Variants in SYNDIG1 observed in about 807,000 individuals in gnomAD.
The protein encoded by SYNDIG1 is synapse differentiation-inducing gene protein 1.
A neutral mutation model predicts 19.4 loss-of-function variants in SYNDIG1; 9 were observed. The ratio of observed to expected loss-of-function variants is 0.46; its 90% CI spans 0.28 to 0.81. The LOEUF (loss-of-function observed/expected upper bound fraction) is 0.81. Ranked by LOEUF, SYNDIG1 falls within the 30% of genes least tolerant of loss-of-function variation. The pLI, the probability that SYNDIG1 is intolerant of heterozygous loss-of-function variation, is 0.12. For missense variants in SYNDIG1, 311 were observed against 343.3 expected (o/e 0.91, Z 0.74); for synonymous variants, 141 against 145.9 (o/e 0.97, Z 0.24).
intron 3 of SYNDIG1, among the ~76,000 whole-genome samples, chr20:24,612,035 G>A (rs6049812): frequency 6.6e-5 from 10 of 152,282 alleles, no homozygotes; most frequent in African/African-American, 1.9e-4. Context: ...GCAAGAGCAA[G>A]AAAAATATTG....
intron 2 of SYNDIG1, 122 bp downstream of exon 2, chr20:24,543,699 C>T: frequency 7.3e-7 from 1 of 1,378,114 alleles, no homozygotes; most frequent in Non-Finnish European, 9.8e-7. Context: ...AATGCAGAAA[C>T]CAAAGGCAGT....
chr20:24,620,359 C>G (rs143621632), intron 3 of SYNDIG1, among the ~76,000 whole-genome samples: 2 of 152,164 alleles, frequency 1.3e-5, no homozygotes, highest in Admixed American at 1.3e-4. Context: ...GGTGACCTGA[C>G]AGCTAGGAGG....
At chr20:24,551,917 T>C (rs1027237591) in intron 2 of SYNDIG1, among the ~76,000 whole-genome samples, 3 of 152,228 alleles carry the variant, frequency 2.0e-5, no homozygotes, top group Non-Finnish European at 4.4e-5. Context: ...TTCTGGGGAA[T>C]ATGCCATGTG....
At chr20:24,608,216 C>T (rs984236726) in intron 3 of SYNDIG1, among the ~76,000 whole-genome samples, 8 of 149,112 alleles carry the variant, frequency 5.4e-5, no homozygotes, top group South Asian at 2.1e-4. Flanking sequence ...GAGACAGTCT[C>T]GCTCTGTCAC....
At chr20:24,507,227 C>T in intron 1 of SYNDIG1, among the ~76,000 whole-genome samples, 1 of 152,234 alleles carries the variant, frequency 6.6e-6, no homozygotes, top group Admixed American at 6.5e-5. Flanking sequence ...TGACCTCCCC[C>T]CACAGCCTGC....
At chr20:24,643,176 C>A (rs139730961) in intron 3 of SYNDIG1, among the ~76,000 whole-genome samples, 178 of 152,336 alleles carry the variant, frequency 1.2e-3, no homozygotes, top group Middle Eastern at 6.8e-3. Context: ...CTGCAGCCTT[C>A]TTCCCTTACT....
chr20:24,544,544 G>T (rs2146736539), intron 2 of SYNDIG1, among the ~76,000 whole-genome samples: 1 of 152,308 alleles, frequency 6.6e-6, no homozygotes, highest in Non-Finnish European at 1.5e-5. Context: ...GAAAATTCAG[G>T]ATCGTGGCCA....
rs749898017 is a variant in SYNDIG1, at chr20:24,543,066, C to T, written c.-32C>T. 7.5e-6 allele frequency: 12 copies of T among 1,596,890 alleles called. No individual in the cohort carries two copies. Among genetic ancestry groups the T allele is most frequent in the African/African-American group, 1.3e-5 (1 of 74,794 alleles). ...AAGTGTAACCTACATTCCCAGCCCA[C>T]CAGCCTGACGCCCAGCCAGGGAGAG... On this transcript the variant is annotated 5_prime_UTR_variant, in exon 2 of 4. Transcript: ENST00000376862.
chr20:24,480,024 C>A lies in SYNDIG1; in HGVS notation c.-79+10271C>A, dbSNP rs192760516. On this transcript the variant is annotated intron_variant, in intron 1 of 3. Coordinates refer to ENST00000376862, the MANE Select transcript of SYNDIG1 (RefSeq NM_024893.3). ...ACACGTGCACGCGCGCACGCACACA[C>A]ATTACATAGTCCCACACCTCCCCCA... 2.8e-3 allele frequency among the ~76,000 whole-genome samples: 429 copies of A among 152,336 alleles called. 1 individual carries two copies. The highest frequency in any genetic ancestry group is 0.01 in the African/African-American group (416 of 41,578).
At chr20:24,522,874 C>A (rs1263576540) in intron 1 of SYNDIG1, among the ~76,000 whole-genome samples, 1 of 152,164 alleles carries the variant, frequency 6.6e-6, no homozygotes, top group Non-Finnish European at 1.5e-5. Flanking sequence ...ATGTCAGGGT[C>A]TTTTAAACAA....
chr20:24,528,016 A>C (rs950573434), intron 1 of SYNDIG1, among the ~76,000 whole-genome samples: 9 of 152,170 alleles, frequency 5.9e-5, no homozygotes, highest in African/African-American at 2.2e-4. Context: ...TTGATGCCTA[A>C]ATCAGTGCAG....
intron 2 of SYNDIG1, among the ~76,000 whole-genome samples, chr20:24,553,814 C>G (rs1600605458): frequency 6.6e-6 from 1 of 152,116 alleles, no homozygotes; most frequent in Non-Finnish European, 1.5e-5. Context: ...TTCATATGAA[C>G]TTTAAAGTAG....
At chr20:24,663,532 C>T (rs2059621586) in intron 3 of SYNDIG1, among the ~76,000 whole-genome samples, 1 of 152,178 alleles carries the variant, frequency 6.6e-6, no homozygotes, top group Non-Finnish European at 1.5e-5. Flanking sequence ...TCGCATTCCT[C>T]CTGTCCCCCC....
chr20:24,481,800 T>C (rs2055804847), intron 1 of SYNDIG1, among the ~76,000 whole-genome samples: 1 of 152,198 alleles, frequency 6.6e-6, no homozygotes, highest in African/African-American at 2.4e-5. Flanking sequence ...GTAGTTGGAC[T>C]GTAAAGTCAA....
At chr20:24,633,713 G>T (rs914104550) in intron 3 of SYNDIG1, among the ~76,000 whole-genome samples, 9 of 152,310 alleles carry the variant, frequency 5.9e-5, no homozygotes, top group Admixed American at 5.9e-4. Context: ...AAGCTCTGGG[G>T]ACGGGGCTGG....
chr20:24,517,326 T>A (rs550289625), intron 1 of SYNDIG1, among the ~76,000 whole-genome samples: 6 of 149,944 alleles, frequency 4.0e-5, no homozygotes, highest in South Asian at 2.1e-4. Flanking sequence ...TAAATAAATA[T>A]ATATATATGC....
At chr20:24,559,414 A>G (rs2057892143) in intron 2 of SYNDIG1, among the ~76,000 whole-genome samples, 1 of 152,256 alleles carries the variant, frequency 6.6e-6, no homozygotes, top group South Asian at 2.1e-4. Context: ...TATGCATGTC[A>G]TAAAAGTGCA....
At chr20:24,473,531 C>A (rs1452332651) in intron 1 of SYNDIG1, among the ~76,000 whole-genome samples, 1 of 152,104 alleles carries the variant, frequency 6.6e-6, no homozygotes, top group Non-Finnish European at 1.5e-5. Flanking sequence ...ATGAAGTAAC[C>A]CGGGCACCAG....
intron 3 of SYNDIG1, among the ~76,000 whole-genome samples, chr20:24,600,128 A>G (rs946692695): frequency 4.6e-5 from 7 of 152,238 alleles, no homozygotes; most frequent in Non-Finnish European, 2.9e-5. Flanking sequence ...TCTTCACAAA[A>G]AATATCGAGC....
Sources: gnomAD v4.1 joint callset for allele counts (sites outside exome capture counted in the v4.1 genomes callset) on GRCh38, gnomAD v4.1.1 for gene constraint, MANE v1.5 for transcripts, NCBI Gene and HGNC (gene_info 2026-07-23, HGNC 2026-07-21) for gene names.